Variants in SLC9A5 observed in about 807,000 individuals in gnomAD.
SLC9A5 encodes the protein sodium/hydrogen exchanger 5.
A neutral mutation model predicts 91.7 loss-of-function variants in SLC9A5; 52 were observed. The ratio of observed to expected loss-of-function variants is 0.57; its 90% CI spans 0.45 to 0.71. The LOEUF is 0.71. SLC9A5 is among the 30% of genes least tolerant of loss of function. The probability of loss-of-function intolerance (pLI) is 0.00; values close to 1 mark genes in which losing one functional copy is unlikely to be tolerated. For missense variants in SLC9A5, 871 were observed against 1,158.9 expected (o/e 0.75, Z 3.61); for synonymous variants, 419 against 474.5 (o/e 0.88, Z 1.52).
intron 11 of SLC9A5, 47 bp downstream of exon 11, chr16:67,259,708 G>A (rs996355524): frequency 3.8e-6 from 6 of 1,597,196 alleles, no homozygotes; most frequent in African/African-American, 1.3e-5. Context: ...TCTCCATTGT[G>A]CCCTCTCTCT....
Position 67,249,178 on chromosome 16 carries a change from TGGTGGCCAGTCTGGCCAAAATC to T in SLC9A5, c.169_187+3del. 6.5e-7 allele frequency: 1 copy of T among 1,545,612 alleles called. No homozygotes were observed. Among genetic ancestry groups the T allele is most frequent in the Non-Finnish European group, 8.7e-7 (1 of 1,151,976 alleles). ...CCCTACCTGGTGGCCCTGTGGATCC[TGGTGGCCAGTCTGGCCAAAATC>T]GGTGAGTGCGTGTGTGCGTGCGCCA... On this transcript the variant is annotated frameshift_variant and splice_region_variant, in exon 1 of 16. Transcript: ENST00000299798. LOFTEE classifies it high-confidence loss of function.
chr16:67,259,597 G>C lies in SLC9A5; in HGVS notation c.1651G>C (p.Gly551Arg). The part of the protein sequence containing the change: ...DQGGHVLSST[G>R]LTLPSMPSRN... The stretch of plus-strand genomic sequence containing the variant: ...GGGAGGCCACGTCTTGTCTTCCACA[G>C]GTCTCACTCTGCCTTCTATGCCCAG... The change falls in exon 11 of 16, where the codon GGT becomes CGT. Residue 551 changes from glycine to arginine, a missense_variant. Gly to Arg is a moderately radical substitution (Grantham distance 125, BLOSUM62 -2). This residue lies in a region of SLC9A5 where 454 missense variants were observed against 718.3 expected (regional missense o/e 0.63). Coordinates refer to ENST00000299798, the MANE Select transcript of SLC9A5 (RefSeq NM_004594.3). The C allele has an allele frequency of 2.5e-6, 4 of 1,614,092 alleles. No individual in the cohort carries two copies. In the Middle Eastern group the frequency reaches 6.6e-4, roughly 266 times the overall value.
Position 67,256,425 on chromosome 16 carries a change from C to T in SLC9A5, c.912-44C>T. ...GCTCAAACCCTGGAGGCTGAGCCCC[C>T]TGGAACCCTTCCCCACTTGCCATGT... On this transcript the variant is annotated intron_variant, in intron 5 of 15. Transcript: ENST00000299798. The surrounding 1 kb of genome is among the most constrained non-coding windows in gnomAD (Gnocchi z 4.1). 1 of 1,430,178 alleles carries T rather than the reference C, an allele frequency of 7.0e-7. No individual in the cohort carries two copies. The allele number at this position is 1,430,178 out of a possible 1,614,324, so 88.6% of individuals were successfully genotyped here.
rs773101627 is a variant in SLC9A5, at chr16:67,256,455, C to G, written c.912-14C>G. The G allele has an allele frequency of 2.5e-6, 4 of 1,593,160 alleles. No homozygotes were observed. In the Admixed American group the frequency reaches 6.7e-5, roughly 27 times the overall value. ...ACCCTTCCCCACTTGCCATGTCTCT[C>G]CATCCTCTCCCAGGGTGACCATGTG... is the stretch of plus-strand genomic sequence containing the variant. On this transcript the variant is annotated splice_polypyrimidine_tract_variant and intron_variant, in intron 5 of 15. Coordinates refer to ENST00000299798, the MANE Select transcript of SLC9A5 (RefSeq NM_004594.3). This position sits in a 1 kb window ranked among gnomAD's most constrained non-coding sequence, Gnocchi z 4.1.
In SLC9A5 at chr16:67,255,351, C is replaced by T. The variant is rs1463163782; in HGVS notation, c.655-42C>T. On this transcript the variant is annotated intron_variant, in intron 3 of 15. Coordinates refer to ENST00000299798, the MANE Select transcript of SLC9A5 (RefSeq NM_004594.3). This position sits in a 1 kb window ranked among gnomAD's most constrained non-coding sequence, Gnocchi z 4.9. ...GTCTGTCTCCCAGCAGTCCCAGTTG[C>T]TGCCTTCCCGCCTCACTGCTGACTC... 1.3e-6 allele frequency: 2 copies of T among 1,583,034 alleles called. No individual in the cohort carries two copies. The highest frequency in any genetic ancestry group is 1.7e-4 in the Middle Eastern group (1 of 5,968).
Position 67,270,206 on chromosome 16 carries a change from T to C in SLC9A5, c.2219-532T>C, listed in dbSNP as rs544032430. ...ATTTTTTATTTTTATTTATTTTTTA[T>C]ATAGAGTCTCACTCTTTCACCCAGG... On this transcript the variant is annotated intron_variant, in intron 15 of 15. Coordinates refer to ENST00000299798, the MANE Select transcript of SLC9A5 (RefSeq NM_004594.3). The surrounding 1 kb of genome is among the most constrained non-coding windows in gnomAD (Gnocchi z 4.3). 1.1e-3 allele frequency among the ~76,000 whole-genome samples: 171 copies of C among 152,224 alleles called. 1 individual carries two copies. Among genetic ancestry groups the C allele is most frequent in the Non-Finnish European group, 1.8e-3 (125 of 67,998 alleles).
At chr16:67,268,213 T>G (rs1049081760) in intron 15 of SLC9A5, among the ~76,000 whole-genome samples, 1 of 150,772 alleles carries the variant, frequency 6.6e-6, no homozygotes, top group Non-Finnish European at 1.5e-5. Flanking sequence ...GATGAGGCCT[T>G]GTTATGTTGC....
chr16:67,255,882 A>G lies in SLC9A5; in HGVS notation c.863A>G (p.Tyr288Cys). ...IEPLLVFLLA[Y>C]AAYLTAEMAS... ...CCGCTGCTGGTCTTCCTCCTCGCCT[A>G]CGCAGCCTACCTCACTGCTGAAATG... The change falls in exon 5 of 16, where the codon TAC (tyrosine) becomes TGC (cysteine). Residue 288 changes from tyrosine to cysteine, a missense_variant. Physicochemically the swap from Tyr to Cys is radical, Grantham distance 194. Transcript: ENST00000299798. This position sits in a 1 kb window ranked among gnomAD's most constrained non-coding sequence, Gnocchi z 4.9. 1 of 1,613,738 alleles carries G rather than the reference A, an allele frequency of 6.2e-7. No individual in the cohort carries two copies. Among genetic ancestry groups the G allele is most frequent in the Non-Finnish European group, 8.5e-7 (1 of 1,179,896 alleles).
At position 67,264,502 on chromosome 16, in the gene SLC9A5, C is replaced by T. The variant is rs201186357; in HGVS notation, c.1993C>T (p.Arg665Cys). Residue 665 changes from arginine (R) to cysteine (C), a missense_variant, in exon 13 of 16, where the codon CGC becomes TGC. Arg to Cys is a radical substitution (Grantham distance 180). This residue lies in a region of SLC9A5 where 295 missense variants were observed against 326.0 expected (regional missense o/e 0.90). Transcript: ENST00000299798. ...CTTCACCAAGAGCAAGCCACGACCC[C>T]GCAAGACTGGCCGCAGGAAGGCATG... The part of the protein sequence containing the change: ...ICFTKSKPRP[R>C]KTGRRKKDGV... 81 of 1,614,078 alleles carry T rather than the reference C, an allele frequency of 5.0e-5. No homozygotes were observed. Among genetic ancestry groups the T allele is most frequent in the East Asian group, 6.7e-5 (3 of 44,884 alleles).
At chr16:67,262,183 A>G (rs905639739) in intron 12 of SLC9A5, 19 of 434,442 alleles carry the variant, frequency 4.4e-5, no homozygotes, top group Non-Finnish European at 8.4e-5. Context: ...CTTTGTATTC[A>G]TCCAAATCCA....
At chr16:67,254,015 T>TG (rs1357071679) in intron 2 of SLC9A5, among the ~76,000 whole-genome samples, 5 of 152,212 alleles carry the variant, frequency 3.3e-5, no homozygotes, top group Non-Finnish European at 5.9e-5. Flanking sequence ...GTGAACTATT[T>TG]GGGGCAGGAA....
intron 12 of SLC9A5, among the ~76,000 whole-genome samples, chr16:67,260,218 G>A (rs144253627): frequency 5.5e-4 from 83 of 151,980 alleles, no homozygotes; most frequent in African/African-American, 1.7e-3. Flanking sequence ...AGCTGGGTGC[G>A]GTGGCACATG....
intron 15 of SLC9A5, among the ~76,000 whole-genome samples, chr16:67,268,695 TATATATATA>T (rs2035817264): frequency 1.1e-5 from 1 of 91,634 alleles, no homozygotes; most frequent in African/African-American, 4.0e-5. Context: ...TATATATATA[TATATATATA>T]TATATATTTT....
intron 1 of SLC9A5, among the ~76,000 whole-genome samples, chr16:67,249,660 T>A (rs1239390317): frequency 6.6e-6 from 1 of 152,162 alleles, no homozygotes; most frequent in Non-Finnish European, 1.5e-5. Context: ...TGTCCGAGTG[T>A]CCATTCCCTT....
chr16:67,268,279 A>G (rs1368100529), intron 15 of SLC9A5, among the ~76,000 whole-genome samples: 2 of 150,172 alleles, frequency 1.3e-5, no homozygotes, highest in Non-Finnish European at 2.9e-5. Flanking sequence ...AGCCTCCTAA[A>G]GTGATGAGAT....
chr16:67,250,398 T>G (rs1477730105), intron 1 of SLC9A5, among the ~76,000 whole-genome samples: 1 of 152,160 alleles, frequency 6.6e-6, no homozygotes, highest in Admixed American at 6.5e-5. Context: ...GAGAGATCTA[T>G]GACCATGTTT....
In SLC9A5 at chr16:67,255,779, G is replaced by A. The variant is rs559429703; in HGVS notation, c.760G>A (p.Gly254Arg). 3.8e-6 allele frequency: 6 copies of A among 1,588,836 alleles called. No homozygotes were observed. Among genetic ancestry groups the A allele is most frequent in the Admixed American group, 1.8e-5 (1 of 56,792 alleles). The change falls in exon 5 of 16, where the codon GGG becomes AGG. Residue 254 changes from glycine to arginine, a missense_variant. This residue lies in a region of SLC9A5 where 454 missense variants were observed against 718.3 expected (regional missense o/e 0.63). Transcript: ENST00000299798. This position sits in a 1 kb window ranked among gnomAD's most constrained non-coding sequence, Gnocchi z 4.9. ...CTCCCTGTTTGTGGTCAGTCTGGGC[G>A]GGGCAGCCGTGGGCTTAGTCTTTGC... ...VASLFVVSLGGAAVGLVFAFL... is the reference protein window; with the variant it reads ...VASLFVVSLGRAAVGLVFAFL...
intron 15 of SLC9A5, among the ~76,000 whole-genome samples, chr16:67,268,325 ATT>A (rs548983298): frequency 6.1e-4 from 76 of 123,806 alleles, no homozygotes; most frequent in Admixed American, 8.4e-4. Context: ...CCAGATAAGG[ATT>A]TTTTTTTTTT....
rs780457484 is a variant in SLC9A5 at position 67,270,778 on chromosome 16, C to A, written c.2259C>A (p.Pro753=). 1 of 1,613,276 alleles carries A rather than the reference C, an allele frequency of 6.2e-7. No homozygotes were observed. Among genetic ancestry groups the A allele is most frequent in the Non-Finnish European group, 8.5e-7 (1 of 1,179,544 alleles). ...EVCPSPRIIP[P]SPTCAEKELP... is the part of the protein sequence containing the mutation. ...GCCCAAGCCCACGAATCATTCCCCC[C>A]TCCCCAACCTGTGCAGAAAAGGAGC... is the stretch of plus-strand genomic sequence containing the variant. Residue 753 remains proline (P), a synonymous_variant, in exon 16 of 16, where the codon CCC becomes CCA. Transcript: ENST00000299798. The surrounding 1 kb of genome is among the most constrained non-coding windows in gnomAD (Gnocchi z 4.3).
Sources: allele counts gnomAD v4.1 joint callset (sites outside exome capture counted in the v4.1 genomes callset), GRCh38; gene constraint gnomAD v4.1.1; regional missense constraint gnomAD v4.1.1; non-coding constraint Gnocchi (gnomAD v3.1); transcripts MANE v1.5; gene names NCBI Gene and HGNC (gene_info 2026-07-23, HGNC 2026-07-21).